ZNF107: variants seen among roughly 807,000 people sequenced by gnomAD.
The protein encoded by ZNF107 is C2H2 type zinc-finger protein.
In ZNF107, 19 loss-of-function variants were observed where a neutral mutation model predicts 12.3. The observed-to-expected ratio is 1.55, with a 90% CI of 1.08 to 2.27. ZNF107 has a LOEUF of 2.27. ZNF107 is among the 30% of genes most tolerant of loss of function. ZNF107 has a pLI of 0.00. For missense variants in ZNF107, 958 were observed against 979.9 expected, an observed-to-expected ratio of 0.98 and a Z score of 0.30; for synonymous variants, 317 against 330.5, an observed-to-expected ratio of 0.96 and a Z score of 0.44.
intron 1 of ZNF107, chr7:64,686,701 G>A (rs1340422183): frequency 1.1e-6 from 1 of 948,532 alleles, no homozygotes; most frequent in East Asian, 1.2e-4. Flanking sequence ...CACAAAAGAA[G>A]AACAACGGGT....
rs1790740418 is a variant in ZNF107, at chr7:64,708,045, A to G, written c.1948A>G (p.Lys650Glu). 3 of 1,613,646 alleles carry G rather than the reference A, an allele frequency of 1.9e-6. No homozygotes were observed. Among genetic ancestry groups the G allele is most frequent in the Non-Finnish European group, 2.5e-6 (3 of 1,179,722 alleles). ...AATTCATACTGGAGAGAACCTCTACAAATTTGAAGAACATGGAAAAGCTTT... is the reference window on the plus strand; with the variant it reads ...AATTCATACTGGAGAGAACCTCTACGAATTTGAAGAACATGGAAAAGCTTT... ...KIIHTGENLY[K>E]FEEHGKAFNL... Residue 650 changes from lysine to glutamate, a missense_variant, in exon 4 of 4, where the codon AAA becomes GAA. By Grantham distance (56) the Lys-to-Glu change is moderately conservative (BLOSUM62 1). Coordinates refer to ENST00000620827, the MANE Select transcript of ZNF107 (RefSeq NM_001282359.2).
intron 1 of ZNF107, chr7:64,686,793 T>C (rs1270613317): frequency 2.3e-6 from 2 of 865,088 alleles, no homozygotes; most frequent in East Asian, 2.5e-4. Flanking sequence ...CACTTTGCCC[T>C]GTAAAGACTG....
chr7:64,702,685 G>T (rs1790515162), intron 3 of ZNF107, among the ~76,000 whole-genome samples: 1 of 152,002 alleles, frequency 6.6e-6, no homozygotes, highest in Admixed American at 6.6e-5. Context: ...AGCCTCCGGA[G>T]TAGCTGGGAT....
intron 1 of ZNF107, among the ~76,000 whole-genome samples, chr7:64,689,063 A>G (rs913357121): frequency 6.6e-6 from 1 of 152,144 alleles, no homozygotes; most frequent in African/African-American, 2.4e-5. Flanking sequence ...ACAATTCCCA[A>G]TCTTGGCTCA....
At chr7:64,701,396 G>C (rs1008077763) in intron 3 of ZNF107, among the ~76,000 whole-genome samples, 1 of 151,482 alleles carries the variant, frequency 6.6e-6, no homozygotes, top group African/African-American at 2.4e-5. Flanking sequence ...TGAGTAGCTG[G>C]GATTACAAGG....
rs1180656392 is a variant in ZNF107, at chr7:64,706,431, C to T, written c.334C>T (p.Gln112Ter). The change falls in exon 4 of 4, where the codon CAG becomes TAG. Residue 112 changes from glutamine (Q) to a stop codon, truncating the protein, a stop_gained. Coordinates refer to ENST00000620827, the MANE Select transcript of ZNF107 (RefSeq NM_001282359.2). LOFTEE classifies it low-confidence loss of function (END_TRUNC). ...CGGAAAATGTGAATATGAGAATTTA[C>T]AGTTAAGAAAAGGCTGTAAACATGT... Reference protein sequence around the residue: ...RYGKCEYENLQLRKGCKHVDE... With the variant: ...RYGKCEYENL 10 of 1,613,282 alleles carry T rather than the reference C, an allele frequency of 6.2e-6. No homozygotes were observed. The South Asian group carries it at 1.1e-4, about 18-fold the overall frequency.
chr7:64,668,606 T>G (rs925884819), intron 1 of ZNF107, among the ~76,000 whole-genome samples: 3 of 152,128 alleles, frequency 2.0e-5, no homozygotes, highest in Non-Finnish European at 2.9e-5. Context: ...ATTTAAAAGT[T>G]AAGAAAATAT....
In ZNF107 at chr7:64,691,231, G is replaced by T; in HGVS notation, c.4-17G>T. The T allele has an allele frequency of 6.8e-7, 1 of 1,462,416 alleles. No individual in the cohort carries two copies. The highest frequency in any genetic ancestry group is 9.1e-7 in the Non-Finnish European group (1 of 1,104,702). 90.6% of individuals were successfully genotyped at this position (1,462,416 alleles called of 1,614,324 possible). A position where few individuals can be genotyped will look rare whatever the true frequency, so the allele number is the denominator to read the frequency against. ...TTATGGCTGCTTGGTAAATGTGTGT[G>T]TGTTTGTGTTTTTCAGGAACCACTG... On this transcript the variant is annotated splice_polypyrimidine_tract_variant and intron_variant, in intron 1 of 3. Coordinates refer to ENST00000620827, the MANE Select transcript of ZNF107 (RefSeq NM_001282359.2).
chr7:64,707,750 C>G lies in ZNF107; in HGVS notation c.1653C>G (p.Thr551=), dbSNP rs761311965. ...ECGKAFNRFS[T]LTKHKRIHTG... is the part of the protein sequence containing the mutation. ...GCAAAGCTTTTAACCGATTCTCAAC[C>G]CTTACTAAACATAAGAGAATTCATA... The change falls in exon 4 of 4, where the codon ACC becomes ACG. Residue 551 remains threonine, a synonymous_variant. Transcript: ENST00000620827. 1 of 1,611,974 alleles carries G rather than the reference C, an allele frequency of 6.2e-7. No homozygotes were observed. Among genetic ancestry groups the G allele is most frequent in the Non-Finnish European group, 8.5e-7 (1 of 1,179,392 alleles).
At position 64,708,843 on chromosome 7, in the gene ZNF107, G is replaced by A; in HGVS notation, c.*187G>A. The A allele has an allele frequency of 1.5e-6, 1 of 662,768 alleles. No individual in the cohort carries two copies. Among genetic ancestry groups the A allele is most frequent in the Non-Finnish European group, 2.5e-6 (1 of 397,100 alleles). 41.1% of individuals were successfully genotyped at this position (662,768 alleles called of 1,614,324 possible). A position where few individuals can be genotyped will look rare whatever the true frequency, so the allele number is the denominator to read the frequency against. On this transcript the variant is annotated 3_prime_UTR_variant, in exon 4 of 4. Transcript: ENST00000620827. ...TTTTAACTAATCTTCAAACCTTACT[G>A]AAAGTTGAGAAAATTCGTACTGGAG...
At chr7:64,703,986 C>T (rs185947221) in intron 3 of ZNF107, among the ~76,000 whole-genome samples, 1 of 151,464 alleles carries the variant, frequency 6.6e-6, no homozygotes, top group African/African-American at 2.4e-5. Context: ...AAAACCTCTA[C>T]AAGATAAAAC....
intron 1 of ZNF107, among the ~76,000 whole-genome samples, chr7:64,670,400 T>C (rs2128955591): frequency 6.6e-6 from 1 of 152,148 alleles, no homozygotes; most frequent in South Asian, 2.1e-4. Flanking sequence ...ATCAAGTCTT[T>C]AGGAGGGACA....
intron 3 of ZNF107, among the ~76,000 whole-genome samples, chr7:64,702,680 C>A (rs1381004434): frequency 2.6e-5 from 4 of 152,052 alleles, no homozygotes; most frequent in Non-Finnish European, 5.9e-5. Flanking sequence ...GCCTCAGCCT[C>A]CGGAGTAGCT....
At chr7:64,667,512 G>A (rs1006086393) in intron 1 of ZNF107, among the ~76,000 whole-genome samples, 11 of 152,180 alleles carry the variant, frequency 7.2e-5, no homozygotes, top group African/African-American at 2.7e-4. Context: ...TTTCCCTTTG[G>A]AAACTTTACA....
At position 64,706,607 on chromosome 7, in the gene ZNF107, C is replaced by CA; in HGVS notation, c.513dup (p.His172ThrfsTer5). On this transcript the variant is annotated frameshift_variant, in exon 4 of 4. Coordinates refer to ENST00000620827, the MANE Select transcript of ZNF107 (RefSeq NM_001282359.2). LOFTEE classifies it low-confidence loss of function (END_TRUNC). ...GATATAAGAGAAGACATACAGGAAA[C>CA]AAACACTTCAAATGTAAAGAATGTA... 1.2e-6 allele frequency: 2 copies of CA among 1,613,088 alleles called. No individual in the cohort carries two copies. Among genetic ancestry groups the CA allele is most frequent in the Non-Finnish European group, 1.7e-6 (2 of 1,179,526 alleles).
chr7:64,707,087 C>T lies in ZNF107; in HGVS notation c.990C>T (p.Asn330=), dbSNP rs750717421. The part of the protein sequence containing the change: ...KAFNLFSNLT[N]HKRIHAGEKP... ...TTAACCTATTCTCAAATCTTACTAA[C>T]CATAAGAGAATTCATGCTGGGGAGA... The change falls in exon 4 of 4, where the codon AAC becomes AAT. Residue 330 remains asparagine (N), a synonymous_variant. Transcript: ENST00000620827. 2.5e-6 allele frequency: 4 copies of T among 1,611,606 alleles called. No individual in the cohort carries two copies. The highest frequency in any genetic ancestry group is 3.4e-6 in the Non-Finnish European group (4 of 1,179,248).
intron 1 of ZNF107, among the ~76,000 whole-genome samples, chr7:64,670,578 G>A (rs144100276): frequency 6.3e-4 from 96 of 152,300 alleles, no homozygotes; most frequent in Non-Finnish European, 1.3e-3. Flanking sequence ...CAGAGTGAGT[G>A]TTTGGTTATT....
At chr7:64,684,336 T>C (rs928527935) in intron 1 of ZNF107, among the ~76,000 whole-genome samples, 2 of 152,140 alleles carry the variant, frequency 1.3e-5, no homozygotes, top group African/African-American at 4.8e-5. Flanking sequence ...CCACCTCAGA[T>C]ACCCAGCCAT....
intron 3 of ZNF107, among the ~76,000 whole-genome samples, chr7:64,699,158 A>T (rs1005139422): frequency 5.3e-5 from 8 of 151,984 alleles, no homozygotes; most frequent in East Asian, 1.9e-4. Context: ...ATAAAAATTT[A>T]AAATTTTAAA....
Sources: allele counts gnomAD v4.1 joint callset (sites outside exome capture counted in the v4.1 genomes callset), GRCh38; gene constraint gnomAD v4.1.1; transcripts MANE v1.5; gene names NCBI Gene and HGNC (gene_info 2026-07-23, HGNC 2026-07-21).